ELAPOR2: variants seen among roughly 807,000 people sequenced by gnomAD.
ELAPOR2 encodes the protein endosome-lysosome associated apoptosis and autophagy regulator family member 2.
In ELAPOR2, 89 loss-of-function variants were observed where a neutral mutation model predicts 120.7. The ratio of observed to expected loss-of-function variants is 0.74; its 90% CI spans 0.62 to 0.88. The LOEUF (loss-of-function observed/expected upper bound fraction) is 0.88, where lower values mean the gene tolerates loss of function less well. ELAPOR2 is among the 40% of genes least tolerant of loss of function. The pLI is 0.00. For missense variants in ELAPOR2, 1,134 were observed against 1,251.6 expected (o/e 0.91, Z 1.42); for synonymous variants, 444 against 444.9 (o/e 1.00, Z 0.03).
At chr7:86,900,579 T>C (rs1296703887) in intron 18 of ELAPOR2, among the ~76,000 whole-genome samples, 2 of 152,222 alleles carry the variant, frequency 1.3e-5, no homozygotes, top group Non-Finnish European at 2.9e-5. Context: ...AAGCTGCTGT[T>C]AGGTGTCAAA....
At chr7:86,887,249 AGACT>A (rs1473723343) in intron 21 of ELAPOR2, among the ~76,000 whole-genome samples, 1 of 152,136 alleles carries the variant, frequency 6.6e-6, no homozygotes, top group Admixed American at 6.6e-5. Context: ...TAGACAAGAC[AGACT>A]GTCACAAATG....
At chr7:86,944,362 T>C (rs1404893348) in intron 4 of ELAPOR2, among the ~76,000 whole-genome samples, 1 of 152,092 alleles carries the variant, frequency 6.6e-6, no homozygotes, top group Admixed American at 6.5e-5. Context: ...AAGTATCCCA[T>C]TCATTGATGT....
chr7:86,994,677 T>C (rs1562960358), intron 1 of ELAPOR2, among the ~76,000 whole-genome samples: 1 of 152,142 alleles, frequency 6.6e-6, no homozygotes, highest in South Asian at 2.1e-4. Context: ...GTAAATTGAT[T>C]GGTATCTTAG....
chr7:86,886,603 T>A (rs1453363063), intron 21 of ELAPOR2, among the ~76,000 whole-genome samples: 1 of 152,108 alleles, frequency 6.6e-6, no homozygotes, highest in African/African-American at 2.4e-5. Context: ...CCAGATCTTG[T>A]GACTCTACAG....
At chr7:86,936,668 C>T (rs1430626663) in intron 8 of ELAPOR2, among the ~76,000 whole-genome samples, 1 of 152,078 alleles carries the variant, frequency 6.6e-6, no homozygotes, top group Middle Eastern at 3.2e-3. Context: ...TGTGTGTACA[C>T]CGCATGCCTG....
At chr7:86,906,656 C>T (rs867124515) in intron 18 of ELAPOR2, among the ~76,000 whole-genome samples, 83 of 152,092 alleles carry the variant, frequency 5.5e-4, no homozygotes, top group African/African-American at 1.9e-3. Context: ...AAAATATATA[C>T]TTTTGCTAAT....
At chr7:86,991,688 A>C (rs917374476) in intron 1 of ELAPOR2, among the ~76,000 whole-genome samples, 1 of 152,214 alleles carries the variant, frequency 6.6e-6, no homozygotes, top group African/African-American at 2.4e-5. Context: ...GCTTGTTTAA[A>C]GGCTCCATGA....
At chr7:86,916,746 C>T (rs1352174423) in intron 12 of ELAPOR2, among the ~76,000 whole-genome samples, 1 of 152,038 alleles carries the variant, frequency 6.6e-6, no homozygotes, top group Admixed American at 6.6e-5. Context: ...AGAATCACTG[C>T]TATAGGCCAT....
At chr7:86,883,224 C>T (rs1014727019) in intron 21 of ELAPOR2, among the ~76,000 whole-genome samples, 24 of 152,084 alleles carry the variant, frequency 1.6e-4, no homozygotes, top group African/African-American at 5.1e-4. Flanking sequence ...GTTTTAATTG[C>T]TGAGAAAAGT....
intron 1 of ELAPOR2, among the ~76,000 whole-genome samples, chr7:87,021,996 A>G (rs983891856): frequency 6.6e-6 from 1 of 152,174 alleles, no homozygotes; most frequent in African/African-American, 2.4e-5. Context: ...CCTGTGGAAT[A>G]TGATCATTTT....
chr7:86,897,727 G>A (rs893264750), intron 18 of ELAPOR2, 95 bp from the exon 19 acceptor site: 1 of 1,397,198 alleles, frequency 7.2e-7, no homozygotes, highest in Non-Finnish European at 9.9e-7. Flanking sequence ...TCACATGCTG[G>A]GGAGCACTGT....
chr7:87,041,590 C>T (rs548319068), intron 1 of ELAPOR2, among the ~76,000 whole-genome samples: 1 of 152,056 alleles, frequency 6.6e-6, no homozygotes, highest in Admixed American at 6.5e-5. Flanking sequence ...CAGGCCTGCC[C>T]TAAAAGAGCT....
chr7:86,913,010 G>A lies in ELAPOR2; in HGVS notation c.1926C>T (p.Tyr642=), dbSNP rs770486410. ...NQCKECPPDT[Y]LSIHQVYGKE... is the part of the protein sequence containing the mutation. ...TGCCATAGACCTGATGTATGGACAG[G>A]TAGGTGTCAGGTGGACATTCCTTGC... Residue 642 remains tyrosine, a synonymous_variant, in exon 14 of 22, where the codon TAC becomes TAT. Coordinates refer to ENST00000450689, the MANE Select transcript of ELAPOR2 (RefSeq NM_001142749.3). 6.2e-7 allele frequency: 1 copy of A among 1,614,076 alleles called. No individual in the cohort carries two copies. Among genetic ancestry groups the A allele is most frequent in the South Asian group, 1.1e-5 (1 of 91,084 alleles).
intron 17 of ELAPOR2, 68 bp downstream of exon 17, chr7:86,908,379 T>C (rs1789132290): frequency 2.6e-6 from 2 of 782,972 alleles, no homozygotes; most frequent in Middle Eastern, 2.3e-4. Context: ...TATATGAGTA[T>C]TGGTGTTCCA....
chr7:86,891,990 T>C (rs1788185853), intron 20 of ELAPOR2, 101 bp from the exon 21 acceptor site: 6 of 753,012 alleles, frequency 8.0e-6, no homozygotes, highest in Non-Finnish European at 1.2e-5. Context: ...TAAATTGACT[T>C]GGAGTATAAT....
At chr7:87,046,395 G>A (rs912348348) in intron 1 of ELAPOR2, among the ~76,000 whole-genome samples, 1 of 152,148 alleles carries the variant, frequency 6.6e-6, no homozygotes, top group African/African-American at 2.4e-5. Context: ...CAGATTTAAT[G>A]CAATCCCTAT....
chr7:87,017,129 G>A (rs1263880980), intron 1 of ELAPOR2, among the ~76,000 whole-genome samples: 4 of 152,112 alleles, frequency 2.6e-5, no homozygotes, highest in Non-Finnish European at 5.9e-5. Flanking sequence ...AATTTGAAAA[G>A]ACATCCAATC....
chr7:87,002,605 G>A (rs1793353331), intron 1 of ELAPOR2, among the ~76,000 whole-genome samples: 1 of 152,048 alleles, frequency 6.6e-6, no homozygotes, highest in Non-Finnish European at 1.5e-5. Context: ...CTAGACCCCA[G>A]CAGGGGTAGG....
chr7:86,879,752 G>C lies in ELAPOR2; in HGVS notation c.*719C>G, dbSNP rs911175776. 3 of 152,148 alleles carry C rather than the reference G, an allele frequency of 2.0e-5. No homozygotes were observed. The highest frequency in any genetic ancestry group is 4.4e-5 in the Non-Finnish European group (3 of 68,030). The allele number at this position is 152,148 out of a possible 1,614,324, so 9.4% of individuals were successfully genotyped here. ...GCTAGTTTGCATTAATGGAGAATTA[G>C]GGCTTCTCGTTACCTTTCTTACTTT... is the stretch of plus-strand genomic sequence containing the variant. On this transcript the variant is annotated 3_prime_UTR_variant, in exon 22 of 22. Coordinates refer to ENST00000450689, the MANE Select transcript of ELAPOR2 (RefSeq NM_001142749.3).
Sources: gnomAD v4.1 joint callset for allele counts (sites outside exome capture counted in the v4.1 genomes callset) on GRCh38, gnomAD v4.1.1 for gene constraint, MANE v1.5 for transcripts, NCBI Gene and HGNC (gene_info 2026-07-23, HGNC 2026-07-21) for gene names.